CFAP299: variants seen among roughly 807,000 people sequenced by gnomAD.
CFAP299 encodes cilia and flagella associated protein 299.
CFAP299 carries 21 observed loss-of-function variants against 27.0 expected under a neutral mutation model. That is an observed-to-expected ratio of 0.78 (90% CI 0.55 to 1.12). The LOEUF (loss-of-function observed/expected upper bound fraction) is 1.12, where lower values mean the gene tolerates loss of function less well. Among genes scored for constraint, CFAP299 ranks in the 50% most tolerant of loss-of-function variants. CFAP299 has a pLI of 0.00. For synonymous variants in CFAP299, 104 were observed against 98.1 expected (o/e 1.06, Z -0.36); for missense variants, 310 against 276.6 (o/e 1.12, Z -0.86).
intron 2 of CFAP299, among the ~76,000 whole-genome samples, chr4:80,381,174 C>A (rs919236210): frequency 1.3e-5 from 2 of 152,112 alleles, no homozygotes; most frequent in African/African-American, 4.8e-5. Flanking sequence ...TAACAAAATG[C>A]CTTTAAAAAT....
At chr4:80,471,671 CAAT>C (rs1026856787) in intron 2 of CFAP299, among the ~76,000 whole-genome samples, 3 of 151,634 alleles carry the variant, frequency 2.0e-5, no homozygotes, top group Non-Finnish European at 2.9e-5. Flanking sequence ...CAATTGAAAA[CAAT>C]GATATAAGGT....
chr4:80,802,398 C>T (rs1394241687), intron 3 of CFAP299, among the ~76,000 whole-genome samples: 1 of 151,996 alleles, frequency 6.6e-6, no homozygotes, highest in Non-Finnish European at 1.5e-5. Flanking sequence ...CATTCTAACA[C>T]ATTTCATGTT....
At chr4:80,335,665 G>A (rs112531823), upstream of CFAP299, 1 of 747,044 alleles carries the variant, frequency 1.3e-6, no homozygotes, top group Non-Finnish European at 2.4e-6. Context: ...AACGTCCAAA[G>A]CTCACACCGG....
chr4:80,917,770 T>C (rs1370954265), intron 4 of CFAP299, among the ~76,000 whole-genome samples: 2 of 152,190 alleles, frequency 1.3e-5, no homozygotes, highest in East Asian at 1.9e-4. Context: ...TTTTTGTTCA[T>C]TTCATGAAAA....
intron 3 of CFAP299, among the ~76,000 whole-genome samples, chr4:80,825,723 C>A (rs1729948856): frequency 6.6e-6 from 1 of 151,938 alleles, no homozygotes; most frequent in Non-Finnish European, 1.5e-5. Flanking sequence ...ACTACTAGAC[C>A]TGTTGTGCAA....
chr4:80,492,960 G>C (rs1056219673), intron 2 of CFAP299, among the ~76,000 whole-genome samples: 1 of 152,074 alleles, frequency 6.6e-6, no homozygotes, highest in South Asian at 2.1e-4. Flanking sequence ...TTAGTGGCTT[G>C]GTTTGCATAT....
intron 4 of CFAP299, among the ~76,000 whole-genome samples, chr4:80,914,049 A>G (rs1735621721): frequency 6.6e-6 from 1 of 152,174 alleles, no homozygotes; most frequent in Non-Finnish European, 1.5e-5. Flanking sequence ...CTTGCTGAGT[A>G]CTATTCCACT....
At chr4:80,342,647 T>C (rs983012093) in intron 1 of CFAP299, among the ~76,000 whole-genome samples, 1 of 152,120 alleles carries the variant, frequency 6.6e-6, no homozygotes, top group Admixed American at 6.5e-5. Context: ...CCAGGCCTGC[T>C]TTGCAAGAGT....
At chr4:80,931,979 C>G (rs1444442313) in intron 4 of CFAP299, among the ~76,000 whole-genome samples, 1 of 152,150 alleles carries the variant, frequency 6.6e-6, no homozygotes, top group East Asian at 1.9e-4. Flanking sequence ...GTGGTTTGCT[C>G]TTAGCAGGGA....
chr4:80,667,878 AT>A (rs1364775698), intron 3 of CFAP299, among the ~76,000 whole-genome samples: 1 of 151,718 alleles, frequency 6.6e-6, no homozygotes, highest in Admixed American at 6.6e-5. Flanking sequence ...TCTTTTTTTA[AT>A]TTTTTTAGGA....
At chr4:80,609,965 C>T (rs1737881631) in intron 3 of CFAP299, among the ~76,000 whole-genome samples, 1 of 151,982 alleles carries the variant, frequency 6.6e-6, no homozygotes, top group Non-Finnish European at 1.5e-5. Flanking sequence ...TAGGCCTATC[C>T]TTATCCAGAT....
chr4:80,471,083 C>T (rs1289532406), intron 2 of CFAP299, among the ~76,000 whole-genome samples: 25 of 152,030 alleles, frequency 1.6e-4, no homozygotes, highest in Admixed American at 1.6e-3. Context: ...CCCTATTTTA[C>T]AAAGGAAGAT....
At chr4:80,649,128 G>A (rs1740168923) in intron 3 of CFAP299, 1 of 152,178 alleles carries the variant, frequency 6.6e-6, no homozygotes, top group Non-Finnish European at 1.5e-5. Context: ...ACTAACAAAG[G>A]GCGATAGGAG....
intron 4 of CFAP299, among the ~76,000 whole-genome samples, chr4:80,920,181 G>T (rs1200659517): frequency 6.6e-6 from 1 of 152,054 alleles, no homozygotes; most frequent in Admixed American, 6.6e-5. Context: ...TCATACTGAG[G>T]ATTAGTCAAT....
chr4:80,855,283 C>A (rs1445770569), intron 3 of CFAP299, among the ~76,000 whole-genome samples: 2 of 152,112 alleles, frequency 1.3e-5, no homozygotes, highest in Admixed American at 1.3e-4. Flanking sequence ...ATATTCATCA[C>A]TGTACCAATG....
chr4:80,932,452 G>A (rs2110219783), intron 4 of CFAP299, among the ~76,000 whole-genome samples: 1 of 151,826 alleles, frequency 6.6e-6, no homozygotes, highest in Non-Finnish European at 1.5e-5. Flanking sequence ...TTTTTACATG[G>A]AATATAACAT....
At chr4:80,919,527 G>C (rs1328815884) in intron 4 of CFAP299, among the ~76,000 whole-genome samples, 1 of 152,108 alleles carries the variant, frequency 6.6e-6, no homozygotes, top group East Asian at 1.9e-4. Context: ...AGGTAAAGTT[G>C]AATTATCCAT....
rs376407650 is a variant in CFAP299 at position 80,547,595 on chromosome 4, G to A, written c.243-35498G>A. ...TCAACAGAGTAAAAAGACAGCCTAC[G>A]GAATGAGAGAAAGTATTGGCAAACT... On this transcript the variant is annotated intron_variant, in intron 2 of 5. Coordinates refer to ENST00000358105, the MANE Select transcript of CFAP299 (RefSeq NM_152770.3). Among the ~76,000 whole-genome samples the A allele has an allele frequency of 1.2e-4, 18 of 152,110 alleles. No individual in the cohort carries two copies. The East Asian group carries it at 3.3e-3, about 28-fold the overall frequency.
At position 80,706,153 on chromosome 4, in the gene CFAP299, G is replaced by A. The variant is rs530828369; in HGVS notation, c.333+122970G>A. 8.6e-5 allele frequency among the ~76,000 whole-genome samples: 13 copies of A among 151,680 alleles called. No individual in the cohort carries two copies. The South Asian group carries it at 1.7e-3, about 19-fold the overall frequency. On this transcript the variant is annotated intron_variant, in intron 3 of 5. Transcript: ENST00000358105. ...ATTCAGATTATACTTCCTTTATAAC[G>A]ACAATTTGACTTCAAATGTAGGCTC...
Sources: gnomAD v4.1 joint callset for allele counts (sites outside exome capture counted in the v4.1 genomes callset) on GRCh38, gnomAD v4.1.1 for gene constraint, MANE v1.5 for transcripts, NCBI Gene and HGNC (gene_info 2026-07-23, HGNC 2026-07-21) for gene names.